SRL: variants seen among roughly 807,000 people sequenced by gnomAD.
SRL encodes the protein sarcalumenin.
A neutral mutation model predicts 39.5 loss-of-function variants in SRL; 23 were observed. The observed-to-expected ratio is 0.58, with a 90% CI of 0.42 to 0.82. The LOEUF (loss-of-function observed/expected upper bound fraction) is 0.82, where lower values mean the gene tolerates loss of function less well. Ranked by LOEUF, SRL falls within the 40% of genes least tolerant of loss-of-function variation. The pLI, the probability that SRL is intolerant of heterozygous loss-of-function variation, is 0.00. For missense variants in SRL, 592 were observed against 607.8 expected, an observed-to-expected ratio of 0.97 and a Z score of 0.27; for synonymous variants, 272 against 237.4, an observed-to-expected ratio of 1.15 and a Z score of -1.34.
At chr16:4,219,837 C>A (rs1256440863) in intron 1 of SRL, among the ~76,000 whole-genome samples, 1 of 151,980 alleles carries the variant, frequency 6.6e-6, no homozygotes, top group Non-Finnish European at 1.5e-5. Flanking sequence ...GTATTCCTGG[C>A]GTCAGCAGAG....
chr16:4,223,843 C>T (rs992906352), intron 1 of SRL, among the ~76,000 whole-genome samples: 3 of 152,178 alleles, frequency 2.0e-5, no homozygotes, highest in African/African-American at 7.2e-5. Flanking sequence ...TTGTGTGAGG[C>T]TGCACCAGTC....
chr16:4,220,131 C>T (rs970350023), intron 1 of SRL, among the ~76,000 whole-genome samples: 2 of 152,068 alleles, frequency 1.3e-5, no homozygotes, highest in African/African-American at 2.4e-5. Flanking sequence ...ACCCAGCCAC[C>T]CTAAGGGGAA....
chr16:4,194,714 G>A (rs367553487), intron 5 of SRL, among the ~76,000 whole-genome samples: 3 of 152,000 alleles, frequency 2.0e-5, no homozygotes, highest in East Asian at 3.9e-4. Flanking sequence ...AAATATTGCC[G>A]TCTCCAAACC....
chr16:4,207,917 G>A (rs763389091), intron 1 of SRL: 35 of 456,606 alleles, frequency 7.7e-5, no homozygotes, highest in East Asian at 1.4e-4. Flanking sequence ...CGGCAGACGC[G>A]GGGGTCTTCT....
Position 4,191,909 on chromosome 16 carries a change from G to A in SRL, c.*244C>T. ...ACAGGACCCAGGAAAAGCAGGTGGA[G>A]GCTGACTTGCCTCAATCAGGCCTCC... On this transcript the variant is annotated 3_prime_UTR_variant, in exon 6 of 6. Coordinates refer to ENST00000399609, the MANE Select transcript of SRL (RefSeq NM_001098814.2). The A allele has an allele frequency of 2.2e-6, 1 of 449,808 alleles. No homozygotes were observed. The highest frequency in any genetic ancestry group is 3.9e-6 in the Non-Finnish European group (1 of 256,872). The allele number at this position is 449,808 out of a possible 1,614,324, so 27.9% of individuals were successfully genotyped here.
At chr16:4,211,835 A>C (rs2052398027) in intron 1 of SRL, among the ~76,000 whole-genome samples, 1 of 152,028 alleles carries the variant, frequency 6.6e-6, no homozygotes, top group African/African-American at 2.4e-5. Context: ...GGTGGTGATG[A>C]TGATGATGGT....
Position 4,192,538 on chromosome 16 carries a change from A to G in SRL, c.1037T>C (p.Leu346Pro). 2 of 1,614,212 alleles carry G rather than the reference A, an allele frequency of 1.2e-6. No homozygotes were observed. Among genetic ancestry groups the G allele is most frequent in the Non-Finnish European group, 1.7e-6 (2 of 1,180,032 alleles). The change falls in exon 6 of 6, where the codon CTG becomes CCG. Residue 346 changes from leucine (L) to proline (P), a missense_variant. Coordinates refer to ENST00000399609, the MANE Select transcript of SRL (RefSeq NM_001098814.2). This position sits in a 1 kb window ranked among gnomAD's most constrained non-coding sequence, Gnocchi z 4.0. The stretch of plus-strand genomic sequence containing the variant: ...GTAAGTCTGCAGGTAGCGGTCAACC[A>G]GGAGGGCGTGGATGCGGACCCGGAT... Reference protein sequence around the residue: ...HAIRVRIHALLVDRYLQTYKD... With the variant: ...HAIRVRIHALPVDRYLQTYKD...
intron 1 of SRL, among the ~76,000 whole-genome samples, chr16:4,229,239 C>T (rs961781869): frequency 6.6e-6 from 1 of 151,972 alleles, no homozygotes; most frequent in Non-Finnish European, 1.5e-5. Context: ...GACAGGAGAT[C>T]GAGACCATCC....
chr16:4,195,028 G>GACTC (rs2052117375), intron 5 of SRL, among the ~76,000 whole-genome samples: 3 of 151,688 alleles, frequency 2.0e-5, no homozygotes, highest in East Asian at 1.9e-4. Context: ...CCGAGTAGCT[G>GACTC]GGACTACAGT....
intron 1 of SRL, among the ~76,000 whole-genome samples, chr16:4,231,488 G>A (rs774571040): frequency 1.4e-4 from 22 of 152,062 alleles, no homozygotes; most frequent in African/African-American, 5.3e-4. Context: ...AGACCCTGTC[G>A]TCACCATCCT....
rs898451086 is a variant in SRL at position 4,215,406 on chromosome 16, G to T, written c.62-10772C>A. On this transcript the variant is annotated intron_variant, in intron 1 of 5. Transcript: ENST00000399609. Reference sequence around the variant, plus strand: ...GATACAATGACAAAAGTATGACAGGGTACAATGACAAAGGTAGCAATCAGA... The same window carrying T: ...GATACAATGACAAAAGTATGACAGGTTACAATGACAAAGGTAGCAATCAGA... Among the ~76,000 whole-genome samples the T allele has an allele frequency of 2.0e-5, 3 of 152,290 alleles. No individual in the cohort carries two copies. In the South Asian group the frequency reaches 6.2e-4, roughly 32 times the overall value.
At chr16:4,238,788 A>ATT (rs111353427) in intron 1 of SRL, among the ~76,000 whole-genome samples, 7 of 140,682 alleles carry the variant, frequency 5.0e-5, no homozygotes, top group South Asian at 2.3e-4. Flanking sequence ...ACACCGAGCT[A>ATT]TTTTTTTTTT....
Position 4,191,082 on chromosome 16 carries a change from A to G in SRL, c.*1071T>C, listed in dbSNP as rs557896900. On this transcript the variant is annotated 3_prime_UTR_variant, in exon 6 of 6. Transcript: ENST00000399609. ...AATTAACCCTCTGAGCCCTTCCACGACCTTCACTACAGTCACTTCCAAGAG... is the reference window on the plus strand; with the variant it reads ...AATTAACCCTCTGAGCCCTTCCACGGCCTTCACTACAGTCACTTCCAAGAG... The G allele has an allele frequency of 3.9e-5, 6 of 152,300 alleles. No homozygotes were observed. Among genetic ancestry groups the G allele is most frequent in the African/African-American group, 1.4e-4 (6 of 41,546 alleles). The allele number at this position is 152,300 out of a possible 1,614,324, so 9.4% of individuals were successfully genotyped here. A position where few individuals can be genotyped will look rare whatever the true frequency, so the allele number is the denominator to read the frequency against.
intron 1 of SRL, among the ~76,000 whole-genome samples, chr16:4,226,206 CTA>C (rs2052586563): frequency 1.3e-5 from 2 of 152,218 alleles, no homozygotes; most frequent in African/African-American, 4.8e-5. Context: ...TTCTAATAAT[CTA>C]CATAACTTAC....
At chr16:4,203,356 A>C (rs1597272794) in intron 2 of SRL, 95 bp from the exon 3 acceptor site, 131 of 973,270 alleles carry the variant, frequency 1.3e-4, no homozygotes, top group Middle Eastern at 3.0e-4. Flanking sequence ...GGGCAGCTCC[A>C]CCCCTGCCTG....
At chr16:4,222,724 C>T (rs2052543931) in intron 1 of SRL, among the ~76,000 whole-genome samples, 1 of 152,220 alleles carries the variant, frequency 6.6e-6, no homozygotes, top group Admixed American at 6.5e-5. Context: ...AGTAAGGAGC[C>T]TTGCTCCTGG....
In SRL at chr16:4,192,141, C is replaced by A. The variant is rs763901254; in HGVS notation, c.*12G>T. The A allele has an allele frequency of 2.6e-6, 4 of 1,533,742 alleles. No individual in the cohort carries two copies. ...TGATTCACCAACAGGAACCCAAGGACCGCTCCACCACCTAGTGCTTCCTGT... is the reference window on the plus strand; with the variant it reads ...TGATTCACCAACAGGAACCCAAGGAACGCTCCACCACCTAGTGCTTCCTGT... On this transcript the variant is annotated 3_prime_UTR_variant, in exon 6 of 6. Transcript: ENST00000399609. This position sits in a 1 kb window ranked among gnomAD's most constrained non-coding sequence, Gnocchi z 4.0.
intron 1 of SRL, among the ~76,000 whole-genome samples, chr16:4,222,147 C>G (rs1328165512): frequency 6.6e-6 from 1 of 152,236 alleles, no homozygotes; most frequent in Non-Finnish European, 1.5e-5. Context: ...TTCCCCCAGC[C>G]TGGCCCCTCG....
intron 3 of SRL, among the ~76,000 whole-genome samples, chr16:4,202,917 G>T (rs1266979717): frequency 6.6e-6 from 1 of 152,194 alleles, no homozygotes; most frequent in Non-Finnish European, 1.5e-5. Context: ...AAACCAAAAT[G>T]CATCTGTAAC....
Sources: gnomAD v4.1 joint callset for allele counts (sites outside exome capture counted in the v4.1 genomes callset) on GRCh38, gnomAD v4.1.1 for gene constraint, Gnocchi (gnomAD v3.1) non-coding constraint, MANE v1.5 for transcripts, NCBI Gene and HGNC (gene_info 2026-07-23, HGNC 2026-07-21) for gene names.